Variants in NLGN1 observed in about 807,000 individuals in gnomAD.
NLGN1 encodes neuroligin-1.
A neutral mutation model predicts 65.5 loss-of-function variants in NLGN1; 12 were observed. The ratio of observed to expected loss-of-function variants is 0.18; its 90% CI spans 0.12 to 0.30. The LOEUF is 0.30. NLGN1 is among the 10% of genes least tolerant of loss of function. The probability of loss-of-function intolerance (pLI) is 1.00; values close to 1 mark genes in which losing one functional copy is unlikely to be tolerated. For missense variants in NLGN1, 750 were observed against 1,007.1 expected (o/e 0.74, Z 3.46); for synonymous variants, 350 against 359.5 (o/e 0.97, Z 0.30).
At chr3:173,426,686 A>G (rs1179790808) in intron 1 of NLGN1, among the ~76,000 whole-genome samples, 1 of 152,058 alleles carries the variant, frequency 6.6e-6, no homozygotes, top group Non-Finnish European at 1.5e-5. Flanking sequence ...TTGCTTGATC[A>G]TGATGAATAA....
At chr3:174,161,987 A>G (rs1394866931) in intron 4 of NLGN1, among the ~76,000 whole-genome samples, 1 of 151,830 alleles carries the variant, frequency 6.6e-6, no homozygotes, top group African/African-American at 2.4e-5. Flanking sequence ...CTTAACATGG[A>G]TGGTCCAAAT....
At chr3:173,893,634 C>G (rs143475582) in intron 4 of NLGN1, among the ~76,000 whole-genome samples, 23 of 152,266 alleles carry the variant, frequency 1.5e-4, no homozygotes, top group African/African-American at 5.5e-4. Context: ...CAGATCTTCA[C>G]CTTGTGTCTA....
At chr3:173,469,371 G>C (rs1455402752) in intron 2 of NLGN1, among the ~76,000 whole-genome samples, 1 of 151,980 alleles carries the variant, frequency 6.6e-6, no homozygotes, top group Non-Finnish European at 1.5e-5. Context: ...TTGTTAATTA[G>C]TTCTCCTACT....
At chr3:173,863,959 G>A (rs1729634156) in intron 4 of NLGN1, among the ~76,000 whole-genome samples, 1 of 152,200 alleles carries the variant, frequency 6.6e-6, no homozygotes, top group Admixed American at 6.5e-5. Context: ...CAAGTACAAC[G>A]TAACAGAGCT....
At chr3:174,184,344 T>G (rs922184450) in intron 4 of NLGN1, among the ~76,000 whole-genome samples, 4 of 101,638 alleles carry the variant, frequency 3.9e-5, no homozygotes, top group African/African-American at 1.1e-4. Context: ...AATAGAAATA[T>G]CAATAAAAAA....
Position 173,700,026 on chromosome 3 carries a change from A to G in NLGN1, c.493+94935A>G, listed in dbSNP as rs535807110. ...TGAGCAGATTTACATTCTTCCCATCACAAGGACAAAACTCCACATAGTTAG... is the reference window on the plus strand; with the variant it reads ...TGAGCAGATTTACATTCTTCCCATCGCAAGGACAAAACTCCACATAGTTAG... On this transcript the variant is annotated intron_variant, in intron 3 of 6. Transcript: ENST00000457714. 8.5e-5 allele frequency among the ~76,000 whole-genome samples: 13 copies of G among 152,334 alleles called. No homozygotes were observed. In the East Asian group the frequency reaches 2.3e-3, roughly 27 times the overall value.
chr3:174,089,610 A>T (rs62290260), intron 4 of NLGN1, among the ~76,000 whole-genome samples: 1 of 152,178 alleles, frequency 6.6e-6, no homozygotes, highest in Non-Finnish European at 1.5e-5. Context: ...TTACAGTAAA[A>T]GGGACCTCTA....
chr3:173,536,331 T>G (rs2149202811), intron 2 of NLGN1, among the ~76,000 whole-genome samples: 1 of 152,328 alleles, frequency 6.6e-6, no homozygotes, highest in African/African-American at 2.4e-5. Context: ...AATTGTGATG[T>G]TCCGTTTTCT....
chr3:173,943,705 C>A (rs1208789747), intron 4 of NLGN1, among the ~76,000 whole-genome samples: 2 of 152,132 alleles, frequency 1.3e-5, no homozygotes, highest in Non-Finnish European at 2.9e-5. Context: ...AAATTTTCTT[C>A]CCTGCCATTT....
chr3:173,604,683 T>C, exon 3 of NLGN1: 2 of 1,613,742 alleles, frequency 1.2e-6, no homozygotes. Flanking sequence ...GGGTGCCCCA[T>C]TGACTCTCTG....
At chr3:173,706,832 C>T (rs539211652) in intron 3 of NLGN1, among the ~76,000 whole-genome samples, 8 of 152,366 alleles carry the variant, frequency 5.3e-5, no homozygotes, top group African/African-American at 1.7e-4. Context: ...CACGCGTGCA[C>T]GCACGCACAC....
intron 4 of NLGN1, among the ~76,000 whole-genome samples, chr3:174,048,291 T>C (rs1243433972): frequency 3.9e-5 from 6 of 152,198 alleles, no homozygotes; most frequent in East Asian, 1.9e-4. Context: ...TTGCCCTTTA[T>C]AAGCTTTAGT....
At chr3:173,515,741 A>C (rs73181030) in intron 2 of NLGN1, among the ~76,000 whole-genome samples, 1,937 of 152,180 alleles carry the variant, frequency 0.013, 17 homozygotes, top group Middle Eastern at 0.017. Context: ...ATTATCGTTT[A>C]TCCATTGTGG....
intron 1 of NLGN1, among the ~76,000 whole-genome samples, chr3:173,406,893 T>A (rs768587394): frequency 7.9e-5 from 12 of 152,178 alleles, no homozygotes; most frequent in Non-Finnish European, 1.6e-4. Flanking sequence ...GTGAGTTGAT[T>A]TATGGAGCAT....
Position 173,500,795 on chromosome 3 carries a change from G to T in NLGN1, c.-321+65717G>T, listed in dbSNP as rs566248384. Reference sequence around the variant, plus strand: ...TACCTTCTCCAACTCCTCAGCATGGGTTTAGTCCCCTTGCTACAAGCTCCC... The same window carrying T: ...TACCTTCTCCAACTCCTCAGCATGGTTTTAGTCCCCTTGCTACAAGCTCCC... On this transcript the variant is annotated intron_variant, in intron 2 of 6. Transcript: ENST00000457714. Among the ~76,000 whole-genome samples the T allele has an allele frequency of 3.3e-5, 5 of 152,140 alleles. No homozygotes were observed. In the South Asian group the frequency reaches 1.0e-3, roughly 32 times the overall value.
chr3:173,746,046 G>C (rs964914433), intron 3 of NLGN1, among the ~76,000 whole-genome samples: 2 of 151,978 alleles, frequency 1.3e-5, no homozygotes, highest in Non-Finnish European at 2.9e-5. Flanking sequence ...AGATTATAAA[G>C]GTAATTATAA....
intron 4 of NLGN1, among the ~76,000 whole-genome samples, chr3:174,116,330 CTTTT>C (rs1168837585): frequency 1.0e-4 from 7 of 69,648 alleles, no homozygotes; most frequent in South Asian, 5.4e-4. Flanking sequence ...TCTGGGTTTT[CTTTT>C]TTTTTTTTTT....
intron 3 of NLGN1, among the ~76,000 whole-genome samples, chr3:173,736,415 T>C (rs961705696): frequency 6.6e-6 from 1 of 152,042 alleles, no homozygotes; most frequent in African/African-American, 2.4e-5. Context: ...CTGGGAAGCA[T>C]GAAGTCCAGG....
chr3:173,758,938 T>G (rs1160644759), intron 3 of NLGN1, among the ~76,000 whole-genome samples: 1 of 151,934 alleles, frequency 6.6e-6, no homozygotes, highest in African/African-American at 2.4e-5. Context: ...ACTGGGAGCC[T>G]TGTTGGTGCA....
Sources: allele counts gnomAD v4.1 joint callset (sites outside exome capture counted in the v4.1 genomes callset), GRCh38; gene constraint gnomAD v4.1.1; transcripts MANE v1.5; gene names NCBI Gene and HGNC (gene_info 2026-07-23, HGNC 2026-07-21).